Variants in HJURP observed in about 807,000 individuals in gnomAD.
HJURP encodes Holliday junction recognition protein, also known as 14-3-3-associated AKT substrate.
A neutral mutation model predicts 72.0 loss-of-function variants in HJURP; 49 were observed. The ratio of observed to expected loss-of-function variants is 0.68; its 90% CI spans 0.54 to 0.86. The LOEUF is 0.86. HJURP is among the 40% of genes least tolerant of loss of function. The pLI is 0.00. For synonymous variants in HJURP, 357 were observed against 347.1 expected (o/e 1.03, Z -0.32); for missense variants, 908 against 936.3 (o/e 0.97, Z 0.39).
intron 8 of HJURP, among the ~76,000 whole-genome samples, chr2:233,840,031 C>T (rs961073673): frequency 6.6e-6 from 1 of 152,154 alleles, no homozygotes; most frequent in Non-Finnish European, 1.5e-5. Context: ...AAAGGGCACA[C>T]GCAGACTAAA....
chr2:233,847,306 G>A (rs1705385366), intron 5 of HJURP, 91 bp downstream of exon 5: 1 of 975,708 alleles, frequency 1.0e-6, no homozygotes, highest in East Asian at 2.4e-5. Context: ...AGTGCAGGCA[G>A]CGCTGCCCGC....
At chr2:233,852,774 G>A (rs755309206) in intron 2 of HJURP, among the ~76,000 whole-genome samples, 154 bp from the exon 3 acceptor site, 1 of 152,210 alleles carries the variant, frequency 6.6e-6, no homozygotes, top group Non-Finnish European at 1.5e-5. Context: ...GTTCCTCTTT[G>A]TAAAGTTTCA....
intron 3 of HJURP, 46 bp downstream of exon 3, chr2:233,852,519 T>C (rs1019327001): frequency 7.2e-7 from 1 of 1,393,534 alleles, no homozygotes; most frequent in African/African-American, 1.4e-5. Context: ...ATATGAATAC[T>C]CCTCCACAGC....
At position 233,846,978 on chromosome 2, in the gene HJURP, T is replaced by C. The variant is rs951542738; in HGVS notation, c.402+419A>G. 6.6e-6 allele frequency among the ~76,000 whole-genome samples: 1 copy of C among 152,138 alleles called. No homozygotes were observed. The highest frequency in any genetic ancestry group is 6.5e-5 in the Admixed American group (1 of 15,278). On this transcript the variant is annotated intron_variant, in intron 5 of 8. Coordinates refer to ENST00000411486, the MANE Select transcript of HJURP (RefSeq NM_018410.5). This position sits in a 1 kb window ranked among gnomAD's most constrained non-coding sequence, Gnocchi z 4.3. ...TGACGGCTGCCCAATGAGGCGACCT[T>C]GTGACTTGGGGCATTTGAGGACAGA...
rs551212109 is a variant in HJURP, at chr2:233,841,403, C to T, written c.1377G>A (p.Pro459=). 3.5e-5 allele frequency: 57 copies of T among 1,614,124 alleles called. 1 individual carries two copies. In the South Asian group the frequency reaches 3.8e-4, roughly 11 times the overall value. ...PRNQPRRMCL[P]DSWAMNMYRG... ...TGTACATGTTCATGGCCCAGGAGTC[C>T]GGGAGGCACATCCGGCGAGGCTGGT... The change falls in exon 8 of 9, where the codon CCG becomes CCA. Residue 459 remains proline (P), a synonymous_variant. Coordinates refer to ENST00000411486, the MANE Select transcript of HJURP (RefSeq NM_018410.5).
chr2:233,849,808 C>A lies in HJURP; in HGVS notation c.292G>T (p.Ala98Ser), dbSNP rs1162740134. ...DRTDGSVQAA[A>S]WGPELPSHRT... ...TGCGAGGGAAGCTCAGGACCCCAGG[C>A]TGCAGCTTGCACGGAGCCATCTGTC... The change falls in exon 4 of 9, where the codon GCC becomes TCC. Residue 98 changes from alanine to serine, a missense_variant. Ala to Ser is a moderately conservative substitution (Grantham distance 99). Around this residue, in one of 3 missense-constraint regions of HJURP, gnomAD observed 299 missense variants for 286.7 expected, o/e 1.04. Transcript: ENST00000411486. The A allele has an allele frequency of 5.8e-6, 9 of 1,555,118 alleles. No individual in the cohort carries two copies. The highest frequency in any genetic ancestry group is 1.4e-5 in the African/African-American group (1 of 73,342).
chr2:233,854,442 T>A lies in HJURP; in HGVS notation c.59A>T (p.Gln20Leu). The A allele has an allele frequency of 6.2e-7, 1 of 1,612,422 alleles. No homozygotes were observed. Among genetic ancestry groups the A allele is most frequent in the South Asian group, 1.1e-5 (1 of 90,892 alleles). Residue 20 changes from glutamine (Q) to leucine (L), a missense_variant, in exon 1 of 9, where the codon CAG (glutamine) becomes CTG (leucine). Gln to Leu is a moderately radical substitution (Grantham distance 113). This residue lies in a region of HJURP where 299 missense variants were observed against 286.7 expected (regional missense o/e 1.04). Transcript: ENST00000411486. The part of the protein sequence containing the change: ...GEDVEDDQLL[Q>L]KLRASRRRFQ... The stretch of plus-strand genomic sequence containing the variant: ...GCGGCGGCGACTGGCCCTGAGCTTC[T>A]GCAGCAGCTGGTCGTCTTCCACGTC...
Position 233,841,356 on chromosome 2 carries a change from C to T in HJURP, c.1424G>A (p.Gly475Asp), listed in dbSNP as rs369822930. ...NMYRGGPASPGGLQGLETRRL... is the reference protein window; with the variant it reads ...NMYRGGPASPDGLQGLETRRL... The stretch of plus-strand genomic sequence containing the variant: ...GCGGGTTTCTAAGCCCTGAAGGCCA[C>T]CAGGACTCGCAGGACCCCCTCTGTA... Residue 475 changes from glycine to aspartate, a missense_variant, in exon 8 of 9, where the codon GGT (glycine) becomes GAT (aspartate). This residue lies in a region of HJURP where 598 missense variants were observed against 619.5 expected (regional missense o/e 0.97). Transcript: ENST00000411486. 5.0e-6 allele frequency: 8 copies of T among 1,614,022 alleles called. No homozygotes were observed. In the African/African-American group the frequency reaches 1.1e-4, roughly 22 times the overall value.
chr2:233,837,156 C>T lies in HJURP; in HGVS notation c.*421G>A, dbSNP rs111688390. 1,980 of 191,698 alleles carry T rather than the reference C, an allele frequency of 0.01. 34 individuals are homozygous for T. The highest frequency in any genetic ancestry group is 0.044 in the African/African-American group (1,840 of 41,724). 11.9% of individuals were successfully genotyped at this position (191,698 alleles called of 1,614,324 possible). ...CAAAAATTAGCCAGGCGTGGTGGCG[C>T]GCGCCTGTAATCCCAGCTACTCGGG... On this transcript the variant is annotated 3_prime_UTR_variant, in exon 9 of 9. Coordinates refer to ENST00000411486, the MANE Select transcript of HJURP (RefSeq NM_018410.5).
At position 233,837,384 on chromosome 2, in the gene HJURP, T is replaced by A. The variant is rs1430794609; in HGVS notation, c.*193A>T. 4.5e-6 allele frequency: 2 copies of A among 442,752 alleles called. No individual in the cohort carries two copies. The highest frequency in any genetic ancestry group is 8.0e-6 in the Non-Finnish European group (2 of 249,438). 27.4% of individuals were successfully genotyped at this position (442,752 alleles called of 1,614,324 possible). A position where few individuals can be genotyped will look rare whatever the true frequency, so the allele number is the denominator to read the frequency against. On this transcript the variant is annotated 3_prime_UTR_variant, in exon 9 of 9. Coordinates refer to ENST00000411486, the MANE Select transcript of HJURP (RefSeq NM_018410.5). ...CTATCAAAGAGAACCCTAAAAATTC[T>A]AATTGAGCAACTTTATTCACATAAT...
rs561929322 is a variant in HJURP, at chr2:233,846,082, A to G, written c.403-262T>C. The G allele has an allele frequency of 8.2e-6, 3 of 366,168 alleles. No individual in the cohort carries two copies. The highest frequency in any genetic ancestry group is 8.8e-5 in the South Asian group (2 of 22,802). 22.7% of individuals were successfully genotyped at this position (366,168 alleles called of 1,614,324 possible). A position where few individuals can be genotyped will look rare whatever the true frequency, so the allele number is the denominator to read the frequency against. On this transcript the variant is annotated intron_variant, in intron 5 of 8. Coordinates refer to ENST00000411486, the MANE Select transcript of HJURP (RefSeq NM_018410.5). This position sits in a 1 kb window ranked among gnomAD's most constrained non-coding sequence, Gnocchi z 4.3. The stretch of plus-strand genomic sequence containing the variant: ...TGACAGCATTGCTAGACCAGGAAAA[A>G]AAAAATCTGAATATTCATAGGTGAG...
intron 8 of HJURP, 91 bp downstream of exon 8, chr2:233,840,513 CACTAA>C: frequency 7.9e-7 from 1 of 1,270,462 alleles, no homozygotes; most frequent in Non-Finnish European, 1.1e-6. Flanking sequence ...GGCTGAGATT[CACTAA>C]ACGTGGCGCA....
In HJURP at chr2:233,841,887, C is replaced by A. The variant is rs751844659; in HGVS notation, c.893G>T (p.Arg298Met). 1 of 1,614,220 alleles carries A rather than the reference C, an allele frequency of 6.2e-7. No individual in the cohort carries two copies. The highest frequency in any genetic ancestry group is 8.5e-7 in the Non-Finnish European group (1 of 1,180,044). The change falls in exon 8 of 9, where the codon AGG (arginine) becomes ATG (methionine). Residue 298 changes from arginine to methionine, a missense_variant. By Grantham distance (91) the Arg-to-Met change is moderately conservative. Around this residue, in one of 3 missense-constraint regions of HJURP, gnomAD observed 598 missense variants for 619.5 expected, o/e 0.97. Coordinates refer to ENST00000411486, the MANE Select transcript of HJURP (RefSeq NM_018410.5). ...GTTCATCCTGCTCTTATATCTGTGCCTCCTCCTGGAGTTCCAGTTTTGCAT... is the reference window on the plus strand; with the variant it reads ...GTTCATCCTGCTCTTATATCTGTGCATCCTCCTGGAGTTCCAGTTTTGCAT... ...FIMQNWNSRR[R>M]HRYKSRMNKT...
intron 3 of HJURP, among the ~76,000 whole-genome samples, chr2:233,850,332 C>G (rs1024228940): frequency 6.6e-6 from 1 of 152,226 alleles, no homozygotes; most frequent in Non-Finnish European, 1.5e-5. Context: ...CCCAAGCTAA[C>G]GCACAGAGGC....
Position 233,837,324 on chromosome 2 carries a change from C to A in HJURP, c.*253G>T. ...AACAAACAAACAAACAAATAACCCCCCCCCAAAAAAAACACACACATCAGA... is the reference window on the plus strand; with the variant it reads ...AACAAACAAACAAACAAATAACCCCACCCCAAAAAAAACACACACATCAGA... On this transcript the variant is annotated 3_prime_UTR_variant, in exon 9 of 9. Transcript: ENST00000411486. 1.3e-5 allele frequency: 4 copies of A among 312,520 alleles called. No individual in the cohort carries two copies. Among genetic ancestry groups the A allele is most frequent in the Non-Finnish European group, 1.8e-5 (3 of 171,128 alleles). 19.4% of individuals were successfully genotyped at this position (312,520 alleles called of 1,614,324 possible). A position where few individuals can be genotyped will look rare whatever the true frequency, so the allele number is the denominator to read the frequency against.
In HJURP at chr2:233,841,792, G is replaced by A. The variant is rs759582653; in HGVS notation, c.988C>T (p.Pro330Ser). The change falls in exon 8 of 9, where the codon CCT (proline) becomes TCT (serine). Residue 330 changes from proline to serine, a missense_variant. By Grantham distance (74) the Pro-to-Ser change is moderately conservative (BLOSUM62 -1). Around this residue, in one of 3 missense-constraint regions of HJURP, gnomAD observed 598 missense variants for 619.5 expected, o/e 0.97. Coordinates refer to ENST00000411486, the MANE Select transcript of HJURP (RefSeq NM_018410.5). ...CTTAATGCCCCTGTCCCTTTCACAG[G>A]CTCAGAGCAGGGTATGAAGTTCTCC... ...SKENFIPCSE[P>S]VKGTGALRDC... 3.7e-6 allele frequency: 6 copies of A among 1,614,114 alleles called. No homozygotes were observed. The East Asian group carries it at 8.9e-5, about 24-fold the overall frequency.
chr2:233,853,979 G>T (rs370440883), intron 1 of HJURP, 69 bp from the exon 2 acceptor site: 2 of 1,427,818 alleles, frequency 1.4e-6, no homozygotes, highest in East Asian at 2.3e-5. Flanking sequence ...GGGAGGAGGC[G>T]GCGCCAGCCC....
At chr2:233,847,907 T>A (rs1705406987) in intron 4 of HJURP, among the ~76,000 whole-genome samples, 1 of 152,232 alleles carries the variant, frequency 6.6e-6, no homozygotes, top group Admixed American at 6.5e-5. Flanking sequence ...TTAAATATCA[T>A]CCAGAGAGGG....
At chr2:233,839,851 C>T (rs994740321) in intron 8 of HJURP, among the ~76,000 whole-genome samples, 6 of 152,156 alleles carry the variant, frequency 3.9e-5, no homozygotes, top group African/African-American at 7.2e-5. Flanking sequence ...CCAAAGGAAC[C>T]GGCCAAATCA....
Sources: allele counts gnomAD v4.1 joint callset (sites outside exome capture counted in the v4.1 genomes callset), GRCh38; gene constraint gnomAD v4.1.1; regional missense constraint gnomAD v4.1.1; non-coding constraint Gnocchi (gnomAD v3.1); transcripts MANE v1.5; gene names NCBI Gene and HGNC (gene_info 2026-07-23, HGNC 2026-07-21).